ENTREP2: variants seen among roughly 807,000 people sequenced by gnomAD.
ENTREP2 encodes the protein protein ENTREP2.
At chr15:29,397,134 T>C in the ENTREP2 span, among the ~76,000 whole-genome samples, 2 of 152,174 alleles carry the variant, frequency 1.3e-5, no homozygotes, top group Non-Finnish European at 2.9e-5. Context: ...CTCACACCTG[T>C]AATCTCAACA....
chr15:29,313,478 A>T, the ENTREP2 span, among the ~76,000 whole-genome samples: 3 of 152,246 alleles, frequency 2.0e-5, no homozygotes, highest in Non-Finnish European at 4.4e-5. Flanking sequence ...ATGGCCCTTA[A>T]GAATTATGCT....
the ENTREP2 span, among the ~76,000 whole-genome samples, chr15:29,453,268 C>T: frequency 3.3e-5 from 5 of 152,212 alleles, no homozygotes; most frequent in South Asian, 4.1e-4. Flanking sequence ...GCAGTGATCA[C>T]GGTGCTGCAA....
At chr15:29,350,913 G>C in the ENTREP2 span, among the ~76,000 whole-genome samples, 1 of 152,166 alleles carries the variant, frequency 6.6e-6, no homozygotes, top group Non-Finnish European at 1.5e-5. Context: ...CTGCACTCCA[G>C]CCTGAGCAAG....
chr15:29,130,754 C>T, the ENTREP2 span, among the ~76,000 whole-genome samples: 3 of 152,094 alleles, frequency 2.0e-5, no homozygotes, highest in Admixed American at 1.3e-4. Flanking sequence ...TAAATGTGGC[C>T]CTTCCCTGAT....
chr15:29,282,787 G>A, the ENTREP2 span, among the ~76,000 whole-genome samples: 2 of 152,184 alleles, frequency 1.3e-5, no homozygotes, highest in South Asian at 4.1e-4. Context: ...TGTTCTTGTT[G>A]CCTGGACTCC....
chr15:29,296,311 G>A, the ENTREP2 span, among the ~76,000 whole-genome samples: 3 of 152,316 alleles, frequency 2.0e-5, no homozygotes, highest in Non-Finnish European at 4.4e-5. Flanking sequence ...CATTCAGGGT[G>A]ATTTGTAGGA....
the ENTREP2 span, among the ~76,000 whole-genome samples, chr15:29,600,407 G>C: frequency 2.0e-5 from 3 of 151,608 alleles, no homozygotes; most frequent in African/African-American, 4.9e-5. Context: ...ATCCAAATTG[G>C]AAACTCCAAA....
chr15:29,145,161 T>C, the ENTREP2 span, among the ~76,000 whole-genome samples: 6 of 152,334 alleles, frequency 3.9e-5, no homozygotes, highest in African/African-American at 1.4e-4. Flanking sequence ...AAAGGATTAC[T>C]TATCATAACC....
At chr15:29,464,672 G>C in the ENTREP2 span, among the ~76,000 whole-genome samples, 1 of 152,198 alleles carries the variant, frequency 6.6e-6, no homozygotes, top group Non-Finnish European at 1.5e-5. Context: ...TCAGCAAGAA[G>C]TTAACACAGT....
chr15:29,481,408 A>G, the ENTREP2 span, among the ~76,000 whole-genome samples: 1 of 152,282 alleles, frequency 6.6e-6, no homozygotes, highest in East Asian at 1.9e-4. Flanking sequence ...ACCTCTGTGA[A>G]TGAAACAGAA....
At chr15:29,415,484 T>C in the ENTREP2 span, among the ~76,000 whole-genome samples, 1 of 152,170 alleles carries the variant, frequency 6.6e-6, no homozygotes, top group East Asian at 1.9e-4. Flanking sequence ...AAATTAGGTA[T>C]TGATGGGATG....
chr15:29,234,143 T>A, the ENTREP2 span: 1 of 1,564,642 alleles, frequency 6.4e-7, no homozygotes, highest in Non-Finnish European at 8.8e-7. Context: ...CTGCTCTCCA[T>A]GTCATTCTCG....
At chr15:29,515,727 TG>T in the ENTREP2 span, among the ~76,000 whole-genome samples, 1 of 152,208 alleles carries the variant, frequency 6.6e-6, no homozygotes, top group Non-Finnish European at 1.5e-5. Flanking sequence ...TGTGGTCATT[TG>T]TAACAGCAGC....
chr15:29,394,461 T>C, the ENTREP2 span, among the ~76,000 whole-genome samples: 21 of 152,172 alleles, frequency 1.4e-4, no homozygotes, highest in Non-Finnish European at 2.6e-4. Flanking sequence ...ACAATAGTTA[T>C]AAGTGGCTCA....
the ENTREP2 span, among the ~76,000 whole-genome samples, chr15:29,625,286 G>C: frequency 6.6e-6 from 1 of 152,162 alleles, no homozygotes; most frequent in African/African-American, 2.4e-5. Flanking sequence ...GGACATTTGG[G>C]TTGTTTCCAC....
the ENTREP2 span, among the ~76,000 whole-genome samples, chr15:29,231,935 G>A: frequency 4.6e-4 from 65 of 141,052 alleles, no homozygotes; most frequent in African/African-American, 1.3e-3. Flanking sequence ...CTGCTGCCCA[G>A]GCCGGAGTGA....
the ENTREP2 span, among the ~76,000 whole-genome samples, chr15:29,365,377 C>A: frequency 6.6e-6 from 1 of 151,860 alleles, no homozygotes; most frequent in Non-Finnish European, 1.5e-5. Flanking sequence ...CTCAGCCTCC[C>A]AAATAGCTGG....
chr15:29,374,157 T>C, the ENTREP2 span: 1 of 152,148 alleles, frequency 6.6e-6, no homozygotes, highest in African/African-American at 2.4e-5. Context: ...CACACATCAA[T>C]GTAACACAGT....
chr15:29,201,118 T>G, the ENTREP2 span, among the ~76,000 whole-genome samples: 1 of 152,222 alleles, frequency 6.6e-6, no homozygotes, highest in African/African-American at 2.4e-5. Context: ...ATCCTACAAC[T>G]TTGCTGAACT....
Sources: allele counts gnomAD v4.1 joint callset (sites outside exome capture counted in the v4.1 genomes callset), GRCh38; gene constraint gnomAD v4.1.1; transcripts MANE v1.5; gene names NCBI Gene and HGNC (gene_info 2026-07-23, HGNC 2026-07-21).